Variants in SAP30BP observed in about 807,000 individuals in gnomAD.
SAP30BP encodes SAP30-binding protein.
Under a neutral mutation model 46.3 loss-of-function variants are expected in SAP30BP, and 31 were observed. That is an observed-to-expected ratio of 0.67 (90% CI 0.50 to 0.90). SAP30BP has a LOEUF of 0.90. Ranked by LOEUF, SAP30BP falls within the 40% of genes least tolerant of loss-of-function variation. SAP30BP has a pLI of 0.00. For synonymous variants in SAP30BP, 169 were observed against 144.2 expected (o/e 1.17, Z -1.23); for missense variants, 312 against 391.0 (o/e 0.80, Z 1.70).
In SAP30BP at chr17:75,706,131, G is replaced by A. The variant is rs374866639; in HGVS notation, c.745+39G>A. On this transcript the variant is annotated intron_variant, in intron 10 of 10. Coordinates refer to ENST00000584667, the MANE Select transcript of SAP30BP (RefSeq NM_013260.8). This position sits in a 1 kb window ranked among gnomAD's most constrained non-coding sequence, Gnocchi z 4.6. ...CTGCCCTGCCTCCTGCCACACACAT[G>A]GAGCCAGGGTCTCCCTGGCTTGTTT... 2.0e-5 allele frequency: 32 copies of A among 1,594,252 alleles called. No individual in the cohort carries two copies. Among genetic ancestry groups the A allele is most frequent in the Non-Finnish European group, 2.6e-5 (31 of 1,170,878 alleles).
At chr17:75,687,937 T>C (rs1430844548) in intron 3 of SAP30BP, among the ~76,000 whole-genome samples, 2 of 96,004 alleles carry the variant, frequency 2.1e-5, no homozygotes, top group Non-Finnish European at 4.8e-5. Context: ...TGTGTGTGTG[T>C]GTGTGTGTGT....
chr17:75,697,270 C>T (rs2060337049), intron 4 of SAP30BP, among the ~76,000 whole-genome samples: 1 of 152,240 alleles, frequency 6.6e-6, no homozygotes, highest in South Asian at 2.1e-4. Flanking sequence ...GTGCCTAGCG[C>T]CTGCCAAGGC....
chr17:75,697,788 C>T (rs941369487), intron 4 of SAP30BP, among the ~76,000 whole-genome samples: 1 of 152,210 alleles, frequency 6.6e-6, no homozygotes, highest in African/African-American at 2.4e-5. Context: ...TTGTCCCCAG[C>T]CCTCCTTGGC....
At chr17:75,704,153 A>G (rs543150582) in intron 8 of SAP30BP, among the ~76,000 whole-genome samples, 2 of 152,350 alleles carry the variant, frequency 1.3e-5, no homozygotes, top group Admixed American at 1.3e-4. Flanking sequence ...TAATCTGGCC[A>G]AAGGGATGGG....
intron 4 of SAP30BP, among the ~76,000 whole-genome samples, chr17:75,697,076 C>T (rs958420560): frequency 3.3e-5 from 5 of 152,118 alleles, no homozygotes; most frequent in Admixed American, 1.3e-4. Context: ...CGCGCCCGGC[C>T]CCTCCTCTTA....
At chr17:75,705,924 C>G in intron 9 of SAP30BP, 84 bp from the exon 10 acceptor site, 1 of 1,582,856 alleles carries the variant, frequency 6.3e-7, no homozygotes, top group South Asian at 1.1e-5. Flanking sequence ...TGCCAAGCTC[C>G]TGTCCCCCAG....
intron 3 of SAP30BP, among the ~76,000 whole-genome samples, chr17:75,686,805 G>A (rs550309944): frequency 1.1e-4 from 17 of 152,192 alleles, no homozygotes; most frequent in Admixed American, 2.6e-4. Flanking sequence ...CCTCTGGGGT[G>A]GGATGTTCCC....
chr17:75,676,947 T>G (rs371470623), intron 3 of SAP30BP, among the ~76,000 whole-genome samples: 3 of 152,124 alleles, frequency 2.0e-5, no homozygotes, highest in South Asian at 4.1e-4. Context: ...TAAGGGGGCA[T>G]TGCTATGTGT....
At chr17:75,705,695 TGAG>T in intron 9 of SAP30BP, 1 of 1,148,366 alleles carries the variant, frequency 8.7e-7, no homozygotes, top group Non-Finnish European at 1.1e-6. Flanking sequence ...CTCCTGGGTG[TGAG>T]GAGGAGGGGC....
Position 75,667,341 on chromosome 17 carries a change from G to C in SAP30BP, c.-32G>C. On this transcript the variant is annotated 5_prime_UTR_variant, in exon 1 of 11. Coordinates refer to ENST00000584667, the MANE Select transcript of SAP30BP (RefSeq NM_013260.8). ...CCGGAAGTCGGCGTCTTGAGTCATAGGAGTGAGCCACGCCCGGGCTGTGGG... is the reference window on the plus strand; with the variant it reads ...CCGGAAGTCGGCGTCTTGAGTCATACGAGTGAGCCACGCCCGGGCTGTGGG... The C allele has an allele frequency of 6.2e-7, 1 of 1,607,826 alleles. No homozygotes were observed. Among genetic ancestry groups the C allele is most frequent in the Non-Finnish European group, 8.5e-7 (1 of 1,174,506 alleles).
intron 5 of SAP30BP, among the ~76,000 whole-genome samples, chr17:75,701,457 G>C (rs1366921031): frequency 1.3e-5 from 2 of 152,164 alleles, no homozygotes; most frequent in Non-Finnish European, 2.9e-5. Context: ...CCCTTCCTGA[G>C]GACGCCTGTG....
rs16968171 is a variant in SAP30BP, at chr17:75,680,084, A to G, written c.264+8221A>G. On this transcript the variant is annotated intron_variant, in intron 3 of 10. Transcript: ENST00000584667. The stretch of plus-strand genomic sequence containing the variant: ...AACATGGGGGTTGAGAGCCTGGAGC[A>G]AGAAAGATGGAGCAGCCTATTGCCA... 8.0e-3 allele frequency: 1,221 copies of G among 152,402 alleles called. 12 individuals carry two copies. Among genetic ancestry groups the G allele is most frequent in the Non-Finnish European group, 0.013 (879 of 68,104 alleles). The allele number at this position is 152,402 out of a possible 1,614,324, so 9.4% of individuals were successfully genotyped here. A position where few individuals can be genotyped will look rare whatever the true frequency, so the allele number is the denominator to read the frequency against.
intron 4 of SAP30BP, among the ~76,000 whole-genome samples, chr17:75,699,112 G>A (rs1486453460): frequency 6.6e-6 from 1 of 152,226 alleles, no homozygotes; most frequent in East Asian, 1.9e-4. Flanking sequence ...GTTCGAGGTT[G>A]CAGTGAGATA....
chr17:75,702,626 A>T (rs929557492), intron 6 of SAP30BP, 55 bp downstream of exon 6: 2 of 836,530 alleles, frequency 2.4e-6, no homozygotes. Flanking sequence ...TGGACTAAGG[A>T]CTAAGACGTC....
At chr17:75,695,178 A>G (rs1308667687) in intron 4 of SAP30BP, among the ~76,000 whole-genome samples, 1 of 152,164 alleles carries the variant, frequency 6.6e-6, no homozygotes, top group East Asian at 1.9e-4. Flanking sequence ...ACTGACACTT[A>G]GGGCTGGATG....
chr17:75,703,919 A>G, intron 8 of SAP30BP, 60 bp downstream of exon 8: 1 of 1,232,120 alleles, frequency 8.1e-7, no homozygotes, highest in Non-Finnish European at 1.2e-6. Flanking sequence ...CCCTTTATCC[A>G]GTCAGTTGGT....
At chr17:75,700,823 C>T (rs573706332) in intron 5 of SAP30BP, among the ~76,000 whole-genome samples, 12 of 152,356 alleles carry the variant, frequency 7.9e-5, no homozygotes, top group Non-Finnish European at 1.3e-4. Flanking sequence ...CAGAGACAAA[C>T]GGCGCACAGC....
At chr17:75,680,710 A>T (rs1329992866) in intron 3 of SAP30BP, among the ~76,000 whole-genome samples, 1 of 152,208 alleles carries the variant, frequency 6.6e-6, no homozygotes, top group East Asian at 1.9e-4. Flanking sequence ...TCATGTCTCC[A>T]TAGTTTTTCA....
chr17:75,706,517 A>G lies in SAP30BP; in HGVS notation c.923A>G (p.Gln308Arg), dbSNP rs1351903309. The change falls in exon 11 of 11, where the codon CAG becomes CGG. Residue 308 changes from glutamine (Q) to arginine (R), a missense_variant. Transcript: ENST00000584667. This position sits in a 1 kb window ranked among gnomAD's most constrained non-coding sequence, Gnocchi z 4.6. ...AVGTIVKKAK[Q>R] ...GGCACCATTGTGAAGAAGGCCAAGC[A>G]GTGACCTGAGGGGCCACCCTAGGAC... 5.0e-6 allele frequency: 8 copies of G among 1,613,860 alleles called. No individual in the cohort carries two copies. Among genetic ancestry groups the G allele is most frequent in the Admixed American group, 3.3e-5 (2 of 59,996 alleles).
Sources: allele counts gnomAD v4.1 joint callset (sites outside exome capture counted in the v4.1 genomes callset), GRCh38; gene constraint gnomAD v4.1.1; non-coding constraint Gnocchi (gnomAD v3.1); transcripts MANE v1.5; gene names NCBI Gene and HGNC (gene_info 2026-07-23, HGNC 2026-07-21).